FAM227A: variants seen among roughly 807,000 people sequenced by gnomAD.
FAM227A encodes the protein protein FAM227A.
Under a neutral mutation model 74.7 loss-of-function variants are expected in FAM227A, and 80 were observed. The observed-to-expected ratio is 1.07, with a 90% CI of 0.89 to 1.29. The LOEUF (loss-of-function observed/expected upper bound fraction) is 1.29, where lower values mean the gene tolerates loss of function less well. Ranked by LOEUF, FAM227A falls within the 50% of genes most tolerant of loss-of-function variation. FAM227A has a pLI of 0.00. For synonymous variants in FAM227A, 237 were observed against 241.8 expected (o/e 0.98, Z 0.19); for missense variants, 654 against 683.4 (o/e 0.96, Z 0.48).
chr22:38,630,736 G>A (rs752802637), intron 6 of FAM227A, among the ~76,000 whole-genome samples: 89 of 152,166 alleles, frequency 5.8e-4, no homozygotes, highest in Non-Finnish European at 1.1e-3. Flanking sequence ...TAGACTCCCT[G>A]CCCTCCAGGG....
intron 2 of FAM227A, among the ~76,000 whole-genome samples, chr22:38,647,180 G>A (rs1442321912): frequency 6.6e-6 from 1 of 150,810 alleles, no homozygotes; most frequent in Non-Finnish European, 1.5e-5. Context: ...AAACAATGCT[G>A]TGTGCCAGGC....
intron 6 of FAM227A, among the ~76,000 whole-genome samples, chr22:38,633,626 C>T (rs1281272991): frequency 6.6e-6 from 1 of 152,202 alleles, no homozygotes; most frequent in East Asian, 1.9e-4. Context: ...ACTGCAACCT[C>T]CACCTCCCGG....
At chr22:38,651,408 C>T (rs143674095) in intron 1 of FAM227A, among the ~76,000 whole-genome samples, 158 of 152,298 alleles carry the variant, frequency 1.0e-3, no homozygotes, top group African/African-American at 3.5e-3. Context: ...GCGTCTTGCT[C>T]TGTCGTCCAG....
chr22:38,608,181 A>C (rs758487425), intron 11 of FAM227A, among the ~76,000 whole-genome samples: 118 of 147,696 alleles, frequency 8.0e-4, no homozygotes, highest in Non-Finnish European at 1.6e-3. Context: ...AAAAAAAATT[A>C]GCCAAGCACG....
chr22:38,608,651 G>A (rs939859009), intron 11 of FAM227A, among the ~76,000 whole-genome samples: 5 of 151,712 alleles, frequency 3.3e-5, no homozygotes, highest in Non-Finnish European at 7.4e-5. Context: ...GGTTGGTCTC[G>A]AACTCTTGAC....
At chr22:38,613,298 T>TATATATATAAC (rs2091484645) in intron 11 of FAM227A, among the ~76,000 whole-genome samples, 3 of 77,810 alleles carry the variant, frequency 3.9e-5, no homozygotes, top group Non-Finnish European at 6.6e-5. Context: ...ATATATATCA[T>TATATATATAAC]ATATAATATA....
In FAM227A at chr22:38,601,158, A is replaced by G. The variant is rs548026641; in HGVS notation, c.1222-1237T>C. On this transcript the variant is annotated intron_variant, in intron 13 of 16. Coordinates refer to ENST00000535113, the MANE Select transcript of FAM227A (RefSeq NM_001013647.2). ...ACATTACAGTTGGAAGAAAACAATG[A>G]AAAAAATCAACAAATAAAGGAATAA... 9.2e-5 allele frequency among the ~76,000 whole-genome samples: 14 copies of G among 152,196 alleles called. 1 individual carries two copies. In the South Asian group the frequency reaches 2.9e-3, roughly 32 times the overall value.
In FAM227A at chr22:38,589,838, T is replaced by C. The variant is rs940081449; in HGVS notation, c.1638+1597A>G. Reference sequence around the variant, plus strand: ...AATCAAGAACAAAGACATTTTTTCATGTCTGTAATCCCAGCACTTTGGGAG... The same window carrying C: ...AATCAAGAACAAAGACATTTTTTCACGTCTGTAATCCCAGCACTTTGGGAG... On this transcript the variant is annotated intron_variant, in intron 16 of 16. Coordinates refer to ENST00000535113, the MANE Select transcript of FAM227A (RefSeq NM_001013647.2). 4.6e-5 allele frequency among the ~76,000 whole-genome samples: 7 copies of C among 152,176 alleles called. No individual in the cohort carries two copies. In the South Asian group the frequency reaches 8.3e-4, roughly 18 times the overall value.
At chr22:38,611,389 C>G (rs1256119181) in intron 11 of FAM227A, among the ~76,000 whole-genome samples, 1 of 152,058 alleles carries the variant, frequency 6.6e-6, no homozygotes, top group Non-Finnish European at 1.5e-5. Flanking sequence ...CTGGAATTAG[C>G]AGGTATGGGC....
chr22:38,620,173 G>T (rs1328978088), intron 11 of FAM227A, 39 bp downstream of exon 11: 1 of 1,426,196 alleles, frequency 7.0e-7, no homozygotes, highest in Non-Finnish European at 9.6e-7. Flanking sequence ...GAAGCTTATG[G>T]GACTCCAAAG....
chr22:38,589,624 T>C (rs1438985166), intron 16 of FAM227A, among the ~76,000 whole-genome samples: 2 of 152,110 alleles, frequency 1.3e-5, no homozygotes, highest in Admixed American at 6.6e-5. Flanking sequence ...TTCAGGATAC[T>C]AAGAATGAAG....
chr22:38,650,179 C>A lies in FAM227A; in HGVS notation c.-11G>T. 2 of 1,550,858 alleles carry A rather than the reference C, an allele frequency of 1.3e-6. No individual in the cohort carries two copies. Among genetic ancestry groups the A allele is most frequent in the Non-Finnish European group, 1.7e-6 (2 of 1,146,682 alleles). The stretch of plus-strand genomic sequence containing the variant: ...CCTGAAGTGATTCATTGTCCAATTT[C>A]TTGTAAATGGACAAACAAAAAGCTT... On this transcript the variant is annotated 5_prime_UTR_variant, in exon 2 of 17. Transcript: ENST00000535113.
At chr22:38,655,296 G>A (rs1206959511) in intron 1 of FAM227A, among the ~76,000 whole-genome samples, 1 of 151,904 alleles carries the variant, frequency 6.6e-6, no homozygotes, top group African/African-American at 2.4e-5. Flanking sequence ...TTGGGAGGCC[G>A]AGTCAAGCAG....
In FAM227A at chr22:38,645,598, T is replaced by C; in HGVS notation, c.190A>G (p.Ile64Val). Residue 64 changes from isoleucine to valine, a missense_variant, in exon 3 of 17, where the codon ATA (isoleucine) becomes GTA (valine). Coordinates refer to ENST00000535113, the MANE Select transcript of FAM227A (RefSeq NM_001013647.2). ...GCCGACGGCTCGGTACGCAGATTTA[T>C]GTCAGCAATCTTTTGGTTCACCTGG... ...MHQVNQKIADINLRTEPSANS... is the reference protein window; with the variant it reads ...MHQVNQKIADVNLRTEPSANS... 4 of 1,551,492 alleles carry C rather than the reference T, an allele frequency of 2.6e-6. No individual in the cohort carries two copies. Among genetic ancestry groups the C allele is most frequent in the African/African-American group, 2.7e-5 (2 of 73,118 alleles).
intron 3 of FAM227A, among the ~76,000 whole-genome samples, chr22:38,643,175 G>C (rs1245745793): frequency 6.6e-6 from 1 of 151,844 alleles, no homozygotes; most frequent in Non-Finnish European, 1.5e-5. Flanking sequence ...AATGAGACGG[G>C]AGTGGTGGTG....
At chr22:38,644,724 A>C (rs1454754473) in intron 3 of FAM227A, among the ~76,000 whole-genome samples, 2 of 152,230 alleles carry the variant, frequency 1.3e-5, no homozygotes, top group African/African-American at 2.4e-5. Flanking sequence ...GTGCATGCGC[A>C]GGAGCAGAGG....
chr22:38,613,219 GTATA>G (rs1201802390), intron 11 of FAM227A, among the ~76,000 whole-genome samples: 4 of 47,492 alleles, frequency 8.4e-5, no homozygotes, highest in East Asian at 6.4e-4. Context: ...TATCTATGCT[GTATA>G]TATATTATAT....
intron 5 of FAM227A, among the ~76,000 whole-genome samples, chr22:38,638,146 CAGAG>C (rs746531833): frequency 1.1e-4 from 17 of 152,064 alleles, no homozygotes; most frequent in South Asian, 4.1e-4. Flanking sequence ...GCCTGGGTGA[CAGAG>C]AGAGACCCCA....
intron 16 of FAM227A, among the ~76,000 whole-genome samples, 159 bp from the exon 17 acceptor site, chr22:38,586,358 C>A (rs1201646983): frequency 6.6e-6 from 1 of 152,194 alleles, no homozygotes; most frequent in South Asian, 2.1e-4. Flanking sequence ...TCGAGCAGGA[C>A]AGCTGGCATC....
Sources: gnomAD v4.1 joint callset for allele counts (sites outside exome capture counted in the v4.1 genomes callset) on GRCh38, gnomAD v4.1.1 for gene constraint, MANE v1.5 for transcripts, NCBI Gene and HGNC (gene_info 2026-07-23, HGNC 2026-07-21) for gene names.